TTC1: variants seen among roughly 807,000 people sequenced by gnomAD.
TTC1 encodes the protein tetratricopeptide repeat domain 1, also known as tetratricopeptide repeat protein 1.
Under a neutral mutation model 37.6 loss-of-function variants are expected in TTC1, and 31 were observed. The observed-to-expected ratio is 0.82, with a 90% CI of 0.62 to 1.11. TTC1 has a LOEUF of 1.11. Among genes scored for constraint, TTC1 ranks in the 50% most tolerant of loss-of-function variants. The probability of loss-of-function intolerance (pLI) is 0.00; values close to 1 mark genes in which losing one functional copy is unlikely to be tolerated. For missense variants in TTC1, 351 were observed against 339.0 expected (o/e 1.04, Z -0.28); for synonymous variants, 127 against 122.4 (o/e 1.04, Z -0.25).
chr5:160,026,644 G>A (rs2113357655), intron 2 of TTC1, among the ~76,000 whole-genome samples: 1 of 152,234 alleles, frequency 6.6e-6, no homozygotes, highest in Non-Finnish European at 1.5e-5. Flanking sequence ...TGTTTACACA[G>A]TATCTTTTTT....
chr5:160,031,230 A>G (rs1317286807), intron 2 of TTC1, among the ~76,000 whole-genome samples: 7 of 152,158 alleles, frequency 4.6e-5, no homozygotes, highest in Admixed American at 2.0e-4. Context: ...AATTTGCACA[A>G]TCTGTGGAGA....
At chr5:160,020,766 G>A (rs1172199813) in intron 2 of TTC1, among the ~76,000 whole-genome samples, 3 of 152,152 alleles carry the variant, frequency 2.0e-5, no homozygotes, top group Non-Finnish European at 2.9e-5. Context: ...AGGTAGGACC[G>A]TCTAGTTGCA....
At chr5:160,018,909 T>C (rs1756652881) in intron 2 of TTC1, among the ~76,000 whole-genome samples, 1 of 152,212 alleles carries the variant, frequency 6.6e-6, no homozygotes, top group Non-Finnish European at 1.5e-5. Flanking sequence ...GACCACACAT[T>C]GCAGTGGATT....
At chr5:160,023,557 G>T (rs1756750151) in intron 2 of TTC1, among the ~76,000 whole-genome samples, 1 of 152,122 alleles carries the variant, frequency 6.6e-6, no homozygotes, top group Non-Finnish European at 1.5e-5. Flanking sequence ...TTATAATTCA[G>T]CTAGGGAGAC....
chr5:160,060,489 CAT>C (rs1262141720), intron 7 of TTC1, among the ~76,000 whole-genome samples: 1 of 152,254 alleles, frequency 6.6e-6, no homozygotes, highest in East Asian at 1.9e-4. Context: ...TAGTTCAGGA[CAT>C]GTGGACATAT....
chr5:160,036,838 C>A, intron 4 of TTC1, 35 bp downstream of exon 4: 1 of 1,449,418 alleles, frequency 6.9e-7, no homozygotes. Flanking sequence ...TTAAAAAGCA[C>A]ATGGACTTGC....
chr5:160,048,368 C>T (rs915303667), intron 5 of TTC1, among the ~76,000 whole-genome samples: 10 of 151,892 alleles, frequency 6.6e-5, no homozygotes, highest in African/African-American at 2.2e-4. Context: ...GCTAGGCTGA[C>T]GGTCTCAAAG....
intron 2 of TTC1, among the ~76,000 whole-genome samples, chr5:160,027,002 C>T (rs1303573040): frequency 6.8e-6 from 1 of 147,980 alleles, no homozygotes; most frequent in Non-Finnish European, 1.5e-5. Flanking sequence ...TTATAGTCTA[C>T]TTTAGTTTTT....
intron 5 of TTC1, among the ~76,000 whole-genome samples, chr5:160,047,318 CCTTG>C (rs1407833937): frequency 6.6e-6 from 1 of 152,096 alleles, no homozygotes; most frequent in Non-Finnish European, 1.5e-5. Flanking sequence ...CCATCTGTCC[CCTTG>C]CTTAAGTTAA....
At chr5:160,037,042 A>T (rs1757009731) in intron 4 of TTC1, among the ~76,000 whole-genome samples, 1 of 152,168 alleles carries the variant, frequency 6.6e-6, no homozygotes, top group Non-Finnish European at 1.5e-5. Context: ...AGGGCTGGCA[A>T]ATTTTTTGCT....
chr5:160,021,959 T>A (rs80244178), intron 2 of TTC1, among the ~76,000 whole-genome samples: 13,699 of 152,236 alleles, frequency 0.09, 754 homozygotes, highest in Admixed American at 0.18. Context: ...CCCTGGGTAC[T>A]GTGCTTGGCA....
chr5:160,060,210 C>G (rs550419315), intron 7 of TTC1, among the ~76,000 whole-genome samples: 1 of 152,218 alleles, frequency 6.6e-6, no homozygotes, highest in South Asian at 2.1e-4. Context: ...AATCCATGCC[C>G]GAGTGATCTT....
chr5:160,035,112 A>C, intron 2 of TTC1, 28 bp from the exon 3 acceptor site: 1 of 1,571,804 alleles, frequency 6.4e-7, no homozygotes, highest in Non-Finnish European at 8.6e-7. Flanking sequence ...TATTGTGAGA[A>C]ATTATGTAAT....
At chr5:160,044,124 ATT>A (rs1262033105) in intron 5 of TTC1, among the ~76,000 whole-genome samples, 1 of 151,998 alleles carries the variant, frequency 6.6e-6, no homozygotes, top group Non-Finnish European at 1.5e-5. Flanking sequence ...TGTGTTTTCT[ATT>A]TTTTTAGTTT....
intron 7 of TTC1, among the ~76,000 whole-genome samples, chr5:160,063,966 C>T (rs372828176): frequency 2.8e-5 from 3 of 106,654 alleles, no homozygotes; most frequent in Admixed American, 1.2e-4. Context: ...TAGACCATGA[C>T]TTTTTTTTTT....
chr5:160,062,933 C>T (rs1753468908), intron 7 of TTC1, among the ~76,000 whole-genome samples: 1 of 152,156 alleles, frequency 6.6e-6, no homozygotes, highest in African/African-American at 2.4e-5. Flanking sequence ...GTTGTGAGCC[C>T]CTCCCTCTAC....
At chr5:160,038,103 G>C (rs1757027589) in intron 4 of TTC1, among the ~76,000 whole-genome samples, 2 of 151,558 alleles carry the variant, frequency 1.3e-5, no homozygotes, top group African/African-American at 4.8e-5. Flanking sequence ...TTTTTTACCA[G>C]AACTTGTGTA....
At position 160,009,152 on chromosome 5, in the gene TTC1, C is replaced by T. The variant is rs538314606; in HGVS notation, c.-71C>T. The T allele has an allele frequency of 2.0e-5, 3 of 152,298 alleles. No homozygotes were observed. The highest frequency in any genetic ancestry group is 4.4e-5 in the Non-Finnish European group (3 of 68,048). The allele number at this position is 152,298 out of a possible 1,614,324, so 9.4% of individuals were successfully genotyped here. On this transcript the variant is annotated 5_prime_UTR_variant, in exon 1 of 8. Coordinates refer to ENST00000231238, the MANE Select transcript of TTC1 (RefSeq NM_003314.3). ...ACCTGACTGAGCGGAAGTAGGAGCTCTCAGAGGCTAAGAAGGTGGAGACCG... is the reference window on the plus strand; with the variant it reads ...ACCTGACTGAGCGGAAGTAGGAGCTTTCAGAGGCTAAGAAGGTGGAGACCG...
intron 2 of TTC1, among the ~76,000 whole-genome samples, chr5:160,029,552 G>A (rs1002422700): frequency 6.6e-6 from 1 of 151,984 alleles, no homozygotes; most frequent in Non-Finnish European, 1.5e-5. Context: ...GGAAGCTGAG[G>A]TGGGAGGATT....
Sources: gnomAD v4.1 joint callset for allele counts (sites outside exome capture counted in the v4.1 genomes callset) on GRCh38, gnomAD v4.1.1 for gene constraint, MANE v1.5 for transcripts, NCBI Gene and HGNC (gene_info 2026-07-23, HGNC 2026-07-21) for gene names.